Variants in ARHGEF10 observed in about 807,000 individuals in gnomAD.
ARHGEF10 encodes the protein Rho guanine nucleotide exchange factor (GEF) 10.
A neutral mutation model predicts 147.4 loss-of-function variants in ARHGEF10; 140 were observed. The ratio of observed to expected loss-of-function variants is 0.95; its 90% CI spans 0.83 to 1.09. ARHGEF10 has a LOEUF of 1.09. Among genes scored for constraint, ARHGEF10 ranks in the 50% least tolerant of loss-of-function variants. The probability of loss-of-function intolerance (pLI) is 0.00; values close to 1 mark genes in which losing one functional copy is unlikely to be tolerated. For missense variants in ARHGEF10, 2,222 were observed against 1,752.7 expected (o/e 1.27, Z -4.78); for synonymous variants, 902 against 695.8 (o/e 1.30, Z -4.67).
intron 5 of ARHGEF10, 129 bp downstream of exon 5, chr8:1,864,565 A>G: frequency 1.1e-6 from 1 of 893,208 alleles, no homozygotes; most frequent in Non-Finnish European, 1.9e-6. Flanking sequence ...TCCCAACCCC[A>G]CCTCCTGCCT....
At chr8:1,893,534 A>G (rs771333265) in intron 11 of ARHGEF10, 35 bp from the exon 12 acceptor site, 3 of 1,364,514 alleles carry the variant, frequency 2.2e-6, no homozygotes, top group South Asian at 2.3e-5. Context: ...ATTATAAAGC[A>G]GTTTTCTATC....
At chr8:1,912,563 G>GAGCT in intron 18 of ARHGEF10, among the ~76,000 whole-genome samples, 1 of 152,056 alleles carries the variant, frequency 6.6e-6, no homozygotes, top group South Asian at 2.1e-4. Context: ...ATTCAGCAGG[G>GAGCT]AGCTCCCTGT....
intron 11 of ARHGEF10, among the ~76,000 whole-genome samples, chr8:1,891,165 C>G (rs6990264): frequency 0.7 from 106,021 of 152,046 alleles, 37,932 homozygotes; most frequent in East Asian, 0.97. Flanking sequence ...GCTGGGATTA[C>G]GATTAGAAAC....
chr8:1,917,212 C>G (rs1811825829), intron 18 of ARHGEF10, among the ~76,000 whole-genome samples: 1 of 152,208 alleles, frequency 6.6e-6, no homozygotes, highest in African/African-American at 2.4e-5. Context: ...TGCATGTTTG[C>G]AAGTTGCTTT....
At chr8:1,838,087 G>A (rs1803697197) in intron 1 of ARHGEF10, among the ~76,000 whole-genome samples, 1 of 152,172 alleles carries the variant, frequency 6.6e-6, no homozygotes, top group Non-Finnish European at 1.5e-5. Flanking sequence ...GTCTTTGTCT[G>A]TCCTGTTCCC....
chr8:1,934,689 A>C (rs1389366624), intron 26 of ARHGEF10, among the ~76,000 whole-genome samples: 6 of 152,198 alleles, frequency 3.9e-5, no homozygotes, highest in African/African-American at 1.4e-4. Flanking sequence ...TCCTCTAAAC[A>C]CTCCAGATGG....
chr8:1,923,360 T>A (rs1276975760), intron 19 of ARHGEF10, 108 bp from the exon 20 acceptor site: 13 of 1,507,910 alleles, frequency 8.6e-6, no homozygotes, highest in Non-Finnish European at 1.1e-5. Flanking sequence ...AATCTAATAG[T>A]TTCATTTGGT....
intron 27 of ARHGEF10, among the ~76,000 whole-genome samples, chr8:1,950,893 A>G (rs1214653529): frequency 1.3e-5 from 2 of 151,956 alleles, no homozygotes; most frequent in East Asian, 3.9e-4. Context: ...CCTTTTTATT[A>G]AATGCAAGCT....
At chr8:1,840,088 G>T in intron 1 of ARHGEF10, among the ~76,000 whole-genome samples, 1 of 132,488 alleles carries the variant, frequency 7.5e-6, no homozygotes, top group African/African-American at 3.1e-5. Context: ...CTGGTGTGGG[G>T]ACTGTCCGGT....
intron 11 of ARHGEF10, among the ~76,000 whole-genome samples, chr8:1,888,263 G>A (rs1276858263): frequency 1.1e-5 from 1 of 94,268 alleles, no homozygotes; most frequent in Non-Finnish European, 2.2e-5. Context: ...AGGAGATGCT[G>A]AGTGGGGCTG....
At chr8:1,895,928 T>C (rs1352330226) in intron 13 of ARHGEF10, among the ~76,000 whole-genome samples, 1 of 152,074 alleles carries the variant, frequency 6.6e-6, no homozygotes, top group Non-Finnish European at 1.5e-5. Flanking sequence ...TAGGGTGTGG[T>C]TGAGGCCTGT....
chr8:1,923,309 C>T (rs1812439605), intron 19 of ARHGEF10, 159 bp from the exon 20 acceptor site: 6 of 1,136,976 alleles, frequency 5.3e-6, no homozygotes, highest in South Asian at 2.9e-5. Flanking sequence ...ATGTCTCAGC[C>T]CCCCACAGTG....
chr8:1,831,503 C>T (rs1226884026), intron 1 of ARHGEF10, among the ~76,000 whole-genome samples: 4 of 138,064 alleles, frequency 2.9e-5, no homozygotes, highest in East Asian at 2.2e-4. Flanking sequence ...GTGTGACGGC[C>T]GTGGAGGGAC....
At position 1,929,432 on chromosome 8, in the gene ARHGEF10, C is replaced by T. The variant is rs374521216; in HGVS notation, c.3068C>T (p.Ala1023Val). The T allele has an allele frequency of 3.5e-5, 57 of 1,608,556 alleles. No individual in the cohort carries two copies. The highest frequency in any genetic ancestry group is 2.2e-4 in the Middle Eastern group (1 of 4,624). Reference sequence around the variant, plus strand: ...GTCAACGGGGCAGTCGCCAGCTACGCCAGAGCCCCAGGTGAGGCGGGTCTC... The same window carrying T: ...GTCAACGGGGCAGTCGCCAGCTACGTCAGAGCCCCAGGTGAGGCGGGTCTC... ...GLVNGAVASY[A>V]RAPDGSWDSE... Residue 1023 changes from alanine to valine, a missense_variant, in exon 25 of 29, where the codon GCC becomes GTC. By Grantham distance (64) the Ala-to-Val change is moderately conservative (BLOSUM62 0). Transcript: ENST00000349830.
intron 2 of ARHGEF10, among the ~76,000 whole-genome samples, chr8:1,847,205 C>T (rs1056446657): frequency 1.3e-5 from 2 of 152,198 alleles, no homozygotes; most frequent in African/African-American, 4.8e-5. Context: ...AATGTTGACC[C>T]TGAGGTGTGT....
intron 17 of ARHGEF10, 116 bp from the exon 18 acceptor site, chr8:1,909,179 C>G (rs1811156411): frequency 3.6e-6 from 5 of 1,407,628 alleles, no homozygotes; most frequent in East Asian, 2.3e-5. Context: ...GTGAGAAAGT[C>G]TGAAGAGTTA....
chr8:1,887,122 G>A (rs1808732435), intron 11 of ARHGEF10, among the ~76,000 whole-genome samples: 1 of 152,200 alleles, frequency 6.6e-6, no homozygotes, highest in African/African-American at 2.4e-5. Context: ...CTGCATGTGG[G>A]GTACCTATTC....
At chr8:1,854,589 T>A (rs1244492471) in intron 2 of ARHGEF10, among the ~76,000 whole-genome samples, 1 of 152,172 alleles carries the variant, frequency 6.6e-6, no homozygotes, top group East Asian at 1.9e-4. Flanking sequence ...AGCTCTTGAA[T>A]TCCAAGCCCC....
At position 1,866,592 on chromosome 8, in the gene ARHGEF10, C is replaced by T. The variant is rs1806640869; in HGVS notation, c.612C>T (p.Ala204=). The change falls in exon 6 of 29, where the codon GCC becomes GCT. Residue 204 remains alanine, a synonymous_variant. Coordinates refer to ENST00000349830, the MANE Select transcript of ARHGEF10 (RefSeq NM_014629.4). ...GGGCCGCAGACCCGGCCAACACAGC[C>T]TGGATGGAGAGTAAGTTCCCCAGCT... ...ARWAADPANT[A]WMENPEEAIY... The T allele has an allele frequency of 2.5e-6, 4 of 1,605,716 alleles. No individual in the cohort carries two copies. Among genetic ancestry groups the T allele is most frequent in the Non-Finnish European group, 3.4e-6 (4 of 1,179,990 alleles).
Sources: gnomAD v4.1 joint callset for allele counts (sites outside exome capture counted in the v4.1 genomes callset) on GRCh38, gnomAD v4.1.1 for gene constraint, MANE v1.5 for transcripts, NCBI Gene and HGNC (gene_info 2026-07-23, HGNC 2026-07-21) for gene names.